MTHFS: variants seen among roughly 807,000 people sequenced by gnomAD.
MTHFS encodes methenyltetrahydrofolate synthetase.
A neutral mutation model predicts 12.7 loss-of-function variants in MTHFS; 7 were observed. The ratio of observed to expected loss-of-function variants is 0.55; its 90% CI spans 0.31 to 1.03. The LOEUF (loss-of-function observed/expected upper bound fraction) is 1.03. Among genes scored for constraint, MTHFS ranks in the 50% least tolerant of loss-of-function variants. The pLI, the probability that MTHFS is intolerant of heterozygous loss-of-function variation, is 0.05. For missense variants in MTHFS, 252 were observed against 258.1 expected (o/e 0.98, Z 0.16); for synonymous variants, 100 against 97.1 (o/e 1.03, Z -0.18).
intron 1 of MTHFS, among the ~76,000 whole-genome samples, chr15:79,893,664 T>A (rs1017377396): frequency 8.8e-5 from 10 of 113,528 alleles, no homozygotes; most frequent in African/African-American, 1.1e-4. Context: ...CGCCACTGCA[T>A]AACAGCCTGG....
intron 2 of MTHFS, among the ~76,000 whole-genome samples, chr15:79,863,995 G>T (rs1176829596): frequency 1.3e-5 from 2 of 152,200 alleles, no homozygotes; most frequent in Non-Finnish European, 2.9e-5. Context: ...GTAAGGAAAG[G>T]CACCGTGTGC....
intron 2 of MTHFS, among the ~76,000 whole-genome samples, chr15:79,887,275 T>G (rs539403238): frequency 9.9e-4 from 150 of 152,242 alleles, no homozygotes; most frequent in African/African-American, 3.4e-3. Flanking sequence ...CTTATTTGGA[T>G]TGAGATTATC....
Position 79,896,719 on chromosome 15 carries a change from T to A in MTHFS, c.117+153A>T, listed in dbSNP as rs923514970. 4.5e-5 allele frequency: 42 copies of A among 926,588 alleles called. 1 individual carries two copies. The highest frequency in any genetic ancestry group is 5.7e-5 in the Non-Finnish European group (41 of 721,852). 57.4% of individuals were successfully genotyped at this position (926,588 alleles called of 1,614,324 possible). On this transcript the variant is annotated intron_variant, in intron 1 of 2. Transcript: ENST00000258874. ...GCGTCCAGACCACGACTAGGGGGCG[T>A]GCGCGCGCCGGGAGGGGAAACGTGC... is the stretch of plus-strand genomic sequence containing the variant.
At chr15:79,893,533 C>T (rs1018690719) in intron 1 of MTHFS, among the ~76,000 whole-genome samples, 1 of 151,266 alleles carries the variant, frequency 6.6e-6, no homozygotes, top group Non-Finnish European at 1.5e-5. Flanking sequence ...CCCATCTCTA[C>T]TAAAAATACA....
intron 2 of MTHFS, among the ~76,000 whole-genome samples, chr15:79,846,232 T>C (rs1309634101): frequency 2.0e-5 from 3 of 152,152 alleles, no homozygotes; most frequent in African/African-American, 7.2e-5. Context: ...AGAACCTCCA[T>C]GAGGGAATGG....
chr15:79,859,616 G>A (rs763676286), intron 2 of MTHFS, among the ~76,000 whole-genome samples: 3 of 152,090 alleles, frequency 2.0e-5, no homozygotes, highest in African/African-American at 2.4e-5. Context: ...TCAGAAGTTC[G>A]AGACCAGCTT....
Position 79,860,372 on chromosome 15 carries a change from G to T in MTHFS, c.380-14930C>A, listed in dbSNP as rs148588387. Among the ~76,000 whole-genome samples the T allele has an allele frequency of 2.6e-3, 396 of 151,094 alleles. 2 individuals are homozygous for T. Among genetic ancestry groups the T allele is most frequent in the African/African-American group, 9.1e-3 (376 of 41,096 alleles). On this transcript the variant is annotated intron_variant, in intron 2 of 2. Coordinates refer to ENST00000258874, the MANE Select transcript of MTHFS (RefSeq NM_006441.4). ...CCACTGCACTCCAGCCTGGGCAACAGAGCGAGACTCCATCTCAAAAAAAAA... is the reference window on the plus strand; with the variant it reads ...CCACTGCACTCCAGCCTGGGCAACATAGCGAGACTCCATCTCAAAAAAAAA...
intron 2 of MTHFS, among the ~76,000 whole-genome samples, chr15:79,858,547 A>G (rs2033852232): frequency 1.3e-5 from 2 of 152,234 alleles, no homozygotes; most frequent in Admixed American, 1.3e-4. Flanking sequence ...ACTGACTTAG[A>G]TGATCTTCAA....
At chr15:79,874,278 T>G (rs1359597400) in intron 2 of MTHFS, among the ~76,000 whole-genome samples, 1 of 151,992 alleles carries the variant, frequency 6.6e-6, no homozygotes, top group Non-Finnish European at 1.5e-5. Context: ...TTATTCTCTG[T>G]AAGAACAGTG....
intron 1 of MTHFS, among the ~76,000 whole-genome samples, chr15:79,893,756 A>G (rs1241012908): frequency 6.6e-6 from 1 of 151,902 alleles, no homozygotes; most frequent in Non-Finnish European, 1.5e-5. Context: ...CAACATAAAT[A>G]TAACAATATA....
At chr15:79,882,434 C>T (rs1348128734) in intron 2 of MTHFS, among the ~76,000 whole-genome samples, 1 of 152,186 alleles carries the variant, frequency 6.6e-6, no homozygotes. Flanking sequence ...TTGAGAATAC[C>T]ACATTGACCC....
At chr15:79,863,893 T>C (rs1159631208) in intron 2 of MTHFS, among the ~76,000 whole-genome samples, 1 of 152,234 alleles carries the variant, frequency 6.6e-6, no homozygotes, top group South Asian at 2.1e-4. Context: ...CACTGATACT[T>C]TGGAGTTTTC....
intron 2 of MTHFS, chr15:79,877,733 C>T (rs2034225508): frequency 6.6e-6 from 1 of 151,598 alleles, no homozygotes; most frequent in Admixed American, 6.6e-5. Flanking sequence ...CATTTTTACA[C>T]ATCAGAGTCA....
intron 2 of MTHFS, among the ~76,000 whole-genome samples, chr15:79,885,542 A>C (rs901226176): frequency 2.0e-5 from 3 of 152,210 alleles, no homozygotes; most frequent in African/African-American, 4.8e-5. Context: ...CGAGCTGGGC[A>C]TATGACCTAG....
At chr15:79,859,836 A>C (rs1003573770) in intron 2 of MTHFS, among the ~76,000 whole-genome samples, 1 of 151,658 alleles carries the variant, frequency 6.6e-6, no homozygotes, top group African/African-American at 2.4e-5. Flanking sequence ...AAAAAAAAAA[A>C]AACCCTTATT....
At chr15:79,863,147 ACT>A (rs2033947203) in intron 2 of MTHFS, among the ~76,000 whole-genome samples, 1 of 151,910 alleles carries the variant, frequency 6.6e-6, no homozygotes, top group Non-Finnish European at 1.5e-5. Flanking sequence ...TGGCCTGGAG[ACT>A]CTACATGCTG....
chr15:79,878,679 T>C (rs2034241951), intron 2 of MTHFS, among the ~76,000 whole-genome samples: 1 of 151,458 alleles, frequency 6.6e-6, no homozygotes, highest in Non-Finnish European at 1.5e-5. Context: ...AAACTCATAC[T>C]GTAAAACAAA....
At chr15:79,869,650 T>A (rs921315555) in intron 2 of MTHFS, among the ~76,000 whole-genome samples, 1 of 152,148 alleles carries the variant, frequency 6.6e-6, no homozygotes, top group Non-Finnish European at 1.5e-5. Context: ...CCCAGGCTAG[T>A]CTTAAATTCC....
chr15:79,847,492 G>A lies in MTHFS; in HGVS notation c.380-2050C>T, dbSNP rs371768381. On this transcript the variant is annotated intron_variant, in intron 2 of 2. Transcript: ENST00000258874. Reference sequence around the variant, plus strand: ...GAGGTCAGAAGACAGAGATCATCCTGGCTAACATGGTGAAATCCCGTCTCT... The same window carrying A: ...GAGGTCAGAAGACAGAGATCATCCTAGCTAACATGGTGAAATCCCGTCTCT... Among the ~76,000 whole-genome samples the A allele has an allele frequency of 2.9e-4, 44 of 151,990 alleles. No individual in the cohort carries two copies. In the South Asian group the frequency reaches 9.1e-3, roughly 32 times the overall value.
Sources: allele counts gnomAD v4.1 joint callset (sites outside exome capture counted in the v4.1 genomes callset), GRCh38; gene constraint gnomAD v4.1.1; transcripts MANE v1.5; gene names NCBI Gene and HGNC (gene_info 2026-07-23, HGNC 2026-07-21).